THBS2: variants seen among roughly 807,000 people sequenced by gnomAD.
THBS2 encodes thrombospondin-2.
THBS2 carries 47 observed loss-of-function variants against 135.2 expected under a neutral mutation model. The ratio of observed to expected loss-of-function variants is 0.35; its 90% CI spans 0.28 to 0.44. The LOEUF is 0.44. Ranked by LOEUF, THBS2 falls within the 20% of genes least tolerant of loss-of-function variation. The probability of loss-of-function intolerance (pLI) is 1.00; values close to 1 mark genes in which losing one functional copy is unlikely to be tolerated. For missense variants in THBS2, 1,288 were observed against 1,603.1 expected, an observed-to-expected ratio of 0.80 and a Z score of 3.36; for synonymous variants, 639 against 633.8, an observed-to-expected ratio of 1.01 and a Z score of -0.12.
intron 6 of THBS2, among the ~76,000 whole-genome samples, chr6:169,240,144 G>A (rs1230225945): frequency 6.6e-6 from 1 of 152,184 alleles, no homozygotes; most frequent in Non-Finnish European, 1.5e-5. Flanking sequence ...TGTTGGAACC[G>A]GATGGAATTA....
intron 14 of THBS2, among the ~76,000 whole-genome samples, chr6:169,228,931 C>G: frequency 6.8e-6 from 1 of 147,838 alleles, no homozygotes. Flanking sequence ...AAAGAGTTAG[C>G]CCTCGCCAAA....
intron 21 of THBS2, 122 bp from the exon 22 acceptor site, chr6:169,217,951 T>C: frequency 1.3e-6 from 1 of 755,192 alleles, no homozygotes; most frequent in Non-Finnish European, 2.0e-6. Context: ...ATCTATCATA[T>C]GGATGGATGG....
intron 4 of THBS2, 75 bp downstream of exon 4, chr6:169,246,122 C>A: frequency 7.7e-7 from 1 of 1,291,966 alleles, no homozygotes; most frequent in Non-Finnish European, 1.1e-6. Flanking sequence ...CACATACACA[C>A]ACACACATAC....
rs1033871159 is a variant in THBS2 at position 169,222,327 on chromosome 6, G to C, written c.3143C>G (p.Thr1048Ser). Residue 1048 changes from threonine to serine, a missense_variant, in exon 19 of 22, where the codon ACC becomes AGC. By Grantham distance (58) the Thr-to-Ser change is moderately conservative. Transcript: ENST00000617924. Reference protein sequence around the residue: ...YVVMWKQVTQTYWEDQPTRAY... With the variant: ...YVVMWKQVTQSYWEDQPTRAY... ...CCGCGTGGGCTGGTCCTCCCAGTAG[G>C]TCTGCGTCACCTGCTTCCACATCAC... The C allele has an allele frequency of 6.2e-7, 1 of 1,613,500 alleles. No homozygotes were observed. The highest frequency in any genetic ancestry group is 8.5e-7 in the Non-Finnish European group (1 of 1,180,052).
chr6:169,249,748 A>C lies in THBS2; in HGVS notation c.53-775T>G, dbSNP rs573439970. The stretch of plus-strand genomic sequence containing the variant: ...AAATCATAATAGTTTAAATAATTCA[A>C]AGCCAGGCGCGGTGGCTCACACCTG... On this transcript the variant is annotated intron_variant, in intron 2 of 21. Coordinates refer to ENST00000617924, the MANE Select transcript of THBS2 (RefSeq NM_003247.5). Among the ~76,000 whole-genome samples, 17 of 152,248 alleles carry C rather than the reference A, an allele frequency of 1.1e-4. 1 individual carries two copies. The South Asian group carries it at 3.5e-3, about 32-fold the overall frequency.
In THBS2 at chr6:169,217,839, G is replaced by GAA; in HGVS notation, c.3512-12_3512-11dup. 1.3e-6 allele frequency: 2 copies of GAA among 1,568,838 alleles called. No homozygotes were observed. Among genetic ancestry groups the GAA allele is most frequent in the Non-Finnish European group, 1.7e-6 (2 of 1,150,002 alleles). ...AATCTTGTTTAAATATCTACAAAAA[G>GAA]AAAAAAAAAAGCAATAAACAATTAG... On this transcript the variant is annotated splice_polypyrimidine_tract_variant and intron_variant, in intron 21 of 21. Coordinates refer to ENST00000617924, the MANE Select transcript of THBS2 (RefSeq NM_003247.5).
chr6:169,226,174 C>T lies in THBS2; in HGVS notation c.2538+6G>A. 1.2e-6 allele frequency: 2 copies of T among 1,610,252 alleles called. No individual in the cohort carries two copies. Among genetic ancestry groups the T allele is most frequent in the South Asian group, 1.1e-5 (1 of 90,786 alleles). On this transcript the variant is annotated splice_donor_region_variant and intron_variant, in intron 16 of 21. Coordinates refer to ENST00000617924, the MANE Select transcript of THBS2 (RefSeq NM_003247.5). ...TCCAACCCCGCCTGTCTGCGGCTGC[C>T]CTCACCTGGTCAGGGTTGTGCACCA...
intron 16 of THBS2, among the ~76,000 whole-genome samples, chr6:169,225,732 T>C (rs1779604618): frequency 6.6e-6 from 1 of 152,224 alleles, no homozygotes; most frequent in African/African-American, 2.4e-5. Flanking sequence ...TAATATATCC[T>C]ATGAGCTGCA....
chr6:169,220,496 C>T (rs1297382081), intron 20 of THBS2, among the ~76,000 whole-genome samples, 159 bp from the exon 21 acceptor site: 2 of 152,216 alleles, frequency 1.3e-5, no homozygotes, highest in African/African-American at 2.4e-5. Flanking sequence ...TCCTTTGGAG[C>T]TCCAGCCACC....
At chr6:169,229,394 G>A (rs1779751923) in intron 14 of THBS2, among the ~76,000 whole-genome samples, 178 bp downstream of exon 14, 1 of 152,168 alleles carries the variant, frequency 6.6e-6, no homozygotes, top group South Asian at 2.1e-4. Flanking sequence ...ATGCACTGAG[G>A]TAAAATCCGC....
Position 169,231,866 on chromosome 6 carries a change from C to A in THBS2, c.2151+114G>T. ...GTGATCAGGCAAGAGGCCTGAGAGA[C>A]CCTCCTTCCAAATTCCCTGTGCTGC... On this transcript the variant is annotated intron_variant, in intron 13 of 21. Coordinates refer to ENST00000617924, the MANE Select transcript of THBS2 (RefSeq NM_003247.5). 3.2e-6 allele frequency: 4 copies of A among 1,244,572 alleles called. No homozygotes were observed. The South Asian group carries it at 5.7e-5, about 18-fold the overall frequency. 77.1% of individuals were successfully genotyped at this position (1,244,572 alleles called of 1,614,324 possible).
At chr6:169,227,459 G>T (rs1050119120) in intron 15 of THBS2, among the ~76,000 whole-genome samples, 2 of 152,202 alleles carry the variant, frequency 1.3e-5, no homozygotes, top group Non-Finnish European at 1.5e-5. Context: ...ACTCCTAGAA[G>T]CTCAGTTTGA....
rs201744606 is a variant in THBS2, at chr6:169,218,267, G to A, written c.3512-438C>T. On this transcript the variant is annotated intron_variant, in intron 21 of 21. Transcript: ENST00000617924. ...GAGATGGATGGATGGGTGGATGGAT[G>A]GATGAAATGGATTGGTGGATGGATG... 2.0e-5 allele frequency among the ~76,000 whole-genome samples: 3 copies of A among 151,004 alleles called. No individual in the cohort carries two copies. In the East Asian group the frequency reaches 5.9e-4, roughly 30 times the overall value.
chr6:169,223,557 G>T, intron 17 of THBS2, 82 bp from the exon 18 acceptor site: 1 of 1,205,542 alleles, frequency 8.3e-7, no homozygotes, highest in Non-Finnish European at 1.2e-6. Flanking sequence ...TTGCTTTTCC[G>T]TGTCTGAGAA....
At chr6:169,239,476 C>G (rs1780216234) in intron 7 of THBS2, 123 bp downstream of exon 7, 2 of 855,218 alleles carry the variant, frequency 2.3e-6, no homozygotes, top group Non-Finnish European at 3.6e-6. Context: ...CTCTGATTCT[C>G]TCACCTGTAC....
At chr6:169,223,209 G>T in intron 18 of THBS2, 39 bp downstream of exon 18, 1 of 1,589,076 alleles carries the variant, frequency 6.3e-7, no homozygotes, top group South Asian at 1.1e-5. Context: ...GCCTCCCCCG[G>T]AGAAATGCTG....
Position 169,248,511 on chromosome 6 carries a change from C to A in THBS2, c.515G>T (p.Ser172Ile). The A allele has an allele frequency of 6.2e-7, 1 of 1,614,076 alleles. No homozygotes were observed. The highest frequency in any genetic ancestry group is 8.5e-7 in the Non-Finnish European group (1 of 1,180,050). Residue 172 changes from serine to isoleucine, a missense_variant, in exon 3 of 22, where the codon AGC becomes ATC. Physicochemically the swap from Ser to Ile is moderately radical, Grantham distance 142. This residue lies in a region of THBS2 where 414 missense variants were observed against 447.0 expected (regional missense o/e 0.93). Coordinates refer to ENST00000617924, the MANE Select transcript of THBS2 (RefSeq NM_003247.5). ...GTAGAAGGGCTCGTCCAGAGCGAAG[C>A]TGTCTATGAGGTCGCAGCCCACGTG... ...SLHVGCDLID[S>I]FALDEPFYEH...
At position 169,232,216 on chromosome 6, in the gene THBS2, G is replaced by A; in HGVS notation, c.1933-18C>T. ...TCACACACCTACGGGGAGAAGGGCT[G>A]CGGGGTTAGCGACAGGCAGGACGAT... is the stretch of plus-strand genomic sequence containing the variant. On this transcript the variant is annotated intron_variant, in intron 12 of 21. Transcript: ENST00000617924. 1 of 1,611,516 alleles carries A rather than the reference G, an allele frequency of 6.2e-7. No homozygotes were observed. The highest frequency in any genetic ancestry group is 8.5e-7 in the Non-Finnish European group (1 of 1,179,416).
chr6:169,229,569 T>TGA lies in THBS2; in HGVS notation c.2259+2_2259+3insTC. On this transcript the variant is annotated splice_region_variant and intron_variant, in intron 14 of 21. Transcript: ENST00000617924. ...GCAGGTGCGCGGCACAAGCTGCTCC[T>TGA]ACCTTCTCATCGGTCACACCGTCAT... The TGA allele has an allele frequency of 6.2e-7, 1 of 1,613,710 alleles. No homozygotes were observed. Among genetic ancestry groups the TGA allele is most frequent in the Non-Finnish European group, 8.5e-7 (1 of 1,179,602 alleles).
Sources: gnomAD v4.1 joint callset for allele counts (sites outside exome capture counted in the v4.1 genomes callset) on GRCh38, gnomAD v4.1.1 for gene constraint, gnomAD v4.1.1 regional missense constraint, MANE v1.5 for transcripts, NCBI Gene and HGNC (gene_info 2026-07-23, HGNC 2026-07-21) for gene names.